Variants in TMEM131L observed in about 807,000 individuals in gnomAD.
The protein encoded by TMEM131L is transmembrane protein 131-like.
TMEM131L carries 54 observed loss-of-function variants against 192.2 expected under a neutral mutation model. The ratio of observed to expected loss-of-function variants is 0.28; its 90% confidence interval spans 0.23 to 0.35. TMEM131L has a LOEUF of 0.35. Among genes scored for constraint, TMEM131L ranks in the 10% least tolerant of loss-of-function variants. TMEM131L has a pLI of 1.00. For synonymous variants in TMEM131L, 701 were observed against 704.9 expected (o/e 0.99, Z 0.09); for missense variants, 1,888 against 1,972.9 (o/e 0.96, Z 0.82).
intron 3 of TMEM131L, among the ~76,000 whole-genome samples, chr4:153,505,499 T>G (rs1303273123): frequency 6.6e-6 from 1 of 152,196 alleles, no homozygotes; most frequent in Non-Finnish European, 1.5e-5. Context: ...TTTGAAGATC[T>G]TATCTCCAAA....
intron 13 of TMEM131L, 107 bp downstream of exon 13, chr4:153,585,718 A>G (rs1186967149): frequency 1.5e-6 from 1 of 651,128 alleles, no homozygotes; most frequent in Non-Finnish European, 2.3e-6. Flanking sequence ...TCCAAATGCT[A>G]TGAAGTTATT....
At chr4:153,546,887 A>G (rs1737217897) in intron 3 of TMEM131L, among the ~76,000 whole-genome samples, 1 of 152,248 alleles carries the variant, frequency 6.6e-6, no homozygotes, top group Non-Finnish European at 1.5e-5. Context: ...AGTTCATGCT[A>G]TTGCGCTCCA....
rs78426258 is a variant in TMEM131L, at chr4:153,628,003, A to G, written c.4207+316A>G. Among the ~76,000 whole-genome samples the G allele has an allele frequency of 7.1e-3, 1,077 of 152,342 alleles. 8 individuals are homozygous for G. Among genetic ancestry groups the G allele is most frequent in the African/African-American group, 0.025 (1,027 of 41,572 alleles). On this transcript the variant is annotated intron_variant, in intron 31 of 34. Transcript: ENST00000409959. ...TTCATTTAGTTCACCTTCCCTAGTC[A>G]GAGATGACAGAAAAGTACAGAAGGT...
intron 3 of TMEM131L, among the ~76,000 whole-genome samples, chr4:153,529,785 G>A (rs920696806): frequency 6.6e-6 from 1 of 152,158 alleles, no homozygotes; most frequent in African/African-American, 2.4e-5. Context: ...CACATAACCT[G>A]TGGGAGATTT....
chr4:153,574,202 A>G (rs1326892741), intron 7 of TMEM131L, among the ~76,000 whole-genome samples: 9 of 152,194 alleles, frequency 5.9e-5, no homozygotes, highest in African/African-American at 2.2e-4. Context: ...TTTTTTCCTC[A>G]AAGCAAACTA....
Position 153,603,806 on chromosome 4 carries a change from A to G in TMEM131L, c.2794A>G (p.Asn932Asp). 6.3e-7 allele frequency: 1 copy of G among 1,575,038 alleles called. No homozygotes were observed. Among genetic ancestry groups the G allele is most frequent in the Non-Finnish European group, 8.6e-7 (1 of 1,166,276 alleles). Reference sequence around the variant, plus strand: ...TGTTTTTCTTCTTAAATTCAGAAGCAATTGCAAGAACTTTCTCGATACATA... The same window carrying G: ...TGTTTTTCTTCTTAAATTCAGAAGCGATTGCAAGAACTTTCTCGATACATA... ...DVISPHSYKS[N>D]CKNFLDTYGP... The change falls in exon 25 of 35, where the codon AAT becomes GAT. Residue 932 changes from asparagine (N) to aspartate (D), a missense_variant. Physicochemically the swap from Asn to Asp is conservative, Grantham distance 23. Transcript: ENST00000409959.
intron 3 of TMEM131L, among the ~76,000 whole-genome samples, chr4:153,485,124 A>C (rs1156662346): frequency 1.5e-5 from 2 of 130,346 alleles, no homozygotes; most frequent in Non-Finnish European, 3.3e-5. Flanking sequence ...GTCTCATTAA[A>C]AAAAAAAAAA....
intron 32 of TMEM131L, chr4:153,633,091 AT>A (rs1218883626): frequency 4.9e-5 from 16 of 328,514 alleles, no homozygotes; most frequent in South Asian, 1.8e-4. Flanking sequence ...AAAAAAGACG[AT>A]TTTTTCATAT....
rs369095167 is a variant in TMEM131L, at chr4:153,588,900, T to A, written c.1563T>A (p.Asn521Lys). ...FMGKSKAGNP[N>K]WNGSLSLDQS... is the part of the protein sequence containing the mutation. The stretch of plus-strand genomic sequence containing the variant: ...TGATCTAACTTTTAGGAAATCCTAA[T>A]TGGAATGGGAGCCTTTCTCTGGATC... The change falls in exon 16 of 35, where the codon AAT becomes AAA. Residue 521 changes from asparagine to lysine, a missense_variant. Physicochemically the swap from Asn to Lys is moderately conservative, Grantham distance 94. Transcript: ENST00000409959. 3.2e-6 allele frequency: 5 copies of A among 1,564,500 alleles called. No individual in the cohort carries two copies. The highest frequency in any genetic ancestry group is 4.4e-6 in the Non-Finnish European group (5 of 1,135,422).
At chr4:153,608,344 G>T (rs982576527) in intron 25 of TMEM131L, among the ~76,000 whole-genome samples, 1 of 152,136 alleles carries the variant, frequency 6.6e-6, no homozygotes, top group South Asian at 2.1e-4. Context: ...TTCGTTATAC[G>T]TTCCAGAACC....
intron 3 of TMEM131L, among the ~76,000 whole-genome samples, chr4:153,520,818 G>A (rs1223751821): frequency 6.6e-6 from 1 of 152,214 alleles, no homozygotes; most frequent in African/African-American, 2.4e-5. Flanking sequence ...ATTGGAGCAC[G>A]ACTTAAAGTA....
Position 153,466,459 on chromosome 4 carries a change from TC to T in TMEM131L, c.64del (p.Leu22CysfsTer77). ...CYCRTAAAVN[L>X]LLGVFQVLLP... ...TGCCGCACCGCGGCGGCCGTGAACC[TC>T]CTGCTGGGCGTCTTCCAGGTCCTGC... On this transcript the variant is annotated frameshift_variant, in exon 1 of 35. Coordinates refer to ENST00000409959, the MANE Select transcript of TMEM131L (RefSeq NM_001131007.2). LOFTEE classifies it high-confidence loss of function. 7.0e-7 allele frequency: 1 copy of T among 1,427,188 alleles called. No individual in the cohort carries two copies. The highest frequency in any genetic ancestry group is 9.2e-7 in the Non-Finnish European group (1 of 1,083,210). The allele number at this position is 1,427,188 out of a possible 1,614,324, so 88.4% of individuals were successfully genotyped here. A position where few individuals can be genotyped will look rare whatever the true frequency, so the allele number is the denominator to read the frequency against.
chr4:153,495,917 C>T (rs961816773), intron 3 of TMEM131L, among the ~76,000 whole-genome samples: 1 of 152,128 alleles, frequency 6.6e-6, no homozygotes, highest in African/African-American at 2.4e-5. Flanking sequence ...TTTGCTTTCA[C>T]AAAACAAGTG....
At chr4:153,502,918 A>G (rs1733713049) in intron 3 of TMEM131L, among the ~76,000 whole-genome samples, 1 of 151,982 alleles carries the variant, frequency 6.6e-6, no homozygotes, top group African/African-American at 2.4e-5. Flanking sequence ...CCCTTTTCCT[A>G]GATGTAACAT....
chr4:153,611,198 G>A (rs530877999), intron 25 of TMEM131L, among the ~76,000 whole-genome samples: 2 of 152,350 alleles, frequency 1.3e-5, no homozygotes, highest in South Asian at 4.1e-4. Flanking sequence ...CACTGTAGCA[G>A]GGAGGACCTT....
At chr4:153,580,508 A>G (rs1245973662) in intron 7 of TMEM131L, among the ~76,000 whole-genome samples, 17 of 152,208 alleles carry the variant, frequency 1.1e-4, no homozygotes, top group Non-Finnish European at 2.2e-4. Flanking sequence ...AGAAACACCA[A>G]ACTCCAGTGT....
At chr4:153,589,167 C>A (rs1469612378) in intron 16 of TMEM131L, among the ~76,000 whole-genome samples, 160 bp downstream of exon 16, 2 of 152,076 alleles carry the variant, frequency 1.3e-5, no homozygotes, top group African/African-American at 2.4e-5. Flanking sequence ...ATTTATTTTT[C>A]CTTCATCATA....
intron 3 of TMEM131L, among the ~76,000 whole-genome samples, chr4:153,545,939 A>C (rs1340137416): frequency 6.6e-6 from 1 of 152,132 alleles, no homozygotes; most frequent in Non-Finnish European, 1.5e-5. Context: ...GCTGGAGTGC[A>C]GTGGTGCGGT....
At chr4:153,581,349 A>C in intron 8 of TMEM131L, 58 bp from the exon 9 acceptor site, 39 of 1,412,238 alleles carry the variant, frequency 2.8e-5, no homozygotes, top group Non-Finnish European at 3.5e-5. Flanking sequence ...CCATAGTTTG[A>C]AACCACAAAG....
Sources: allele counts gnomAD v4.1 joint callset (sites outside exome capture counted in the v4.1 genomes callset), GRCh38; gene constraint gnomAD v4.1.1; transcripts MANE v1.5; gene names NCBI Gene and HGNC (gene_info 2026-07-23, HGNC 2026-07-21).